Variants in TAFA2 observed in about 807,000 individuals in gnomAD.
TAFA2 encodes chemokine-like protein TAFA-2.
A neutral mutation model predicts 18.8 loss-of-function variants in TAFA2; 7 were observed. That is an observed-to-expected ratio of 0.37 (90% CI 0.21 to 0.70). The LOEUF is 0.70. TAFA2 is among the 30% of genes least tolerant of loss of function. The probability of loss-of-function intolerance (pLI) is 0.53; values close to 1 mark genes in which losing one functional copy is unlikely to be tolerated. For missense variants in TAFA2, 122 were observed against 158.1 expected (o/e 0.77, Z 1.23); for synonymous variants, 60 against 54.2 (o/e 1.11, Z -0.47).
chr12:62,102,497 C>T lies in TAFA2; in HGVS notation c.-2+88762G>A, dbSNP rs141480969. 9.7e-3 allele frequency among the ~76,000 whole-genome samples: 1,470 copies of T among 152,246 alleles called. 15 individuals carry two copies. The highest frequency in any genetic ancestry group is 0.021 in the East Asian group (107 of 5,174). On this transcript the variant is annotated intron_variant, in intron 1 of 4. Transcript: ENST00000416284. ...AATTGACAGCTGGTGACTAGGGTAA[C>T]GTGTTCCACATTGTTGCACCATAGC...
chr12:61,835,320 C>T (rs114251949), intron 2 of TAFA2, among the ~76,000 whole-genome samples: 6 of 151,860 alleles, frequency 4.0e-5, no homozygotes, highest in Non-Finnish European at 7.4e-5. Flanking sequence ...AAAATTAATA[C>T]CAAATTTTGA....
intron 1 of TAFA2, among the ~76,000 whole-genome samples, chr12:61,983,951 C>T (rs566782759): frequency 2.0e-5 from 3 of 152,230 alleles, no homozygotes; most frequent in South Asian, 2.1e-4. Context: ...GATCACATCG[C>T]TCATTCTCTC....
chr12:61,838,645 C>A (rs1304196549), intron 2 of TAFA2, among the ~76,000 whole-genome samples: 4 of 151,874 alleles, frequency 2.6e-5, no homozygotes, highest in Admixed American at 1.3e-4. Flanking sequence ...CAAAGAGAAG[C>A]AAACAAACAA....
chr12:62,090,233 C>G (rs1220398089), intron 1 of TAFA2, among the ~76,000 whole-genome samples: 1 of 152,020 alleles, frequency 6.6e-6, no homozygotes, highest in Non-Finnish European at 1.5e-5. Context: ...GGACTTTCTT[C>G]AAGAATTTCA....
At chr12:61,880,934 C>A (rs541086129) in intron 1 of TAFA2, among the ~76,000 whole-genome samples, 2 of 152,136 alleles carry the variant, frequency 1.3e-5, no homozygotes, top group Admixed American at 1.3e-4. Flanking sequence ...GGGGGACCCC[C>A]CTTCCCCATA....
intron 1 of TAFA2, among the ~76,000 whole-genome samples, chr12:62,086,215 AG>A (rs1196097722): frequency 6.6e-6 from 1 of 152,088 alleles, no homozygotes; most frequent in East Asian, 1.9e-4. Flanking sequence ...AACAGGAAAA[AG>A]CATCATGACA....
At chr12:61,734,957 G>T (rs1489030585) in intron 4 of TAFA2, among the ~76,000 whole-genome samples, 1 of 151,970 alleles carries the variant, frequency 6.6e-6, no homozygotes, top group East Asian at 1.9e-4. Flanking sequence ...GTAAAAGGAT[G>T]ATAATAATCA....
chr12:61,774,761 A>G (rs1870183110), intron 2 of TAFA2, among the ~76,000 whole-genome samples: 1 of 151,676 alleles, frequency 6.6e-6, no homozygotes, highest in South Asian at 2.1e-4. Flanking sequence ...ACCACTAAAG[A>G]TCTTATCCAT....
At chr12:61,723,222 A>T (rs1468746995) in intron 4 of TAFA2, among the ~76,000 whole-genome samples, 1 of 152,194 alleles carries the variant, frequency 6.6e-6, no homozygotes, top group Non-Finnish European at 1.5e-5. Context: ...TCATATTATG[A>T]TTATTAATCT....
chr12:62,097,573 G>T (rs1267739411), intron 1 of TAFA2, among the ~76,000 whole-genome samples: 1 of 152,180 alleles, frequency 6.6e-6, no homozygotes, highest in Non-Finnish European at 1.5e-5. Flanking sequence ...CTAGTAAACA[G>T]TATTGACATG....
At chr12:61,990,752 G>A (rs1428247847) in intron 1 of TAFA2, among the ~76,000 whole-genome samples, 1 of 152,160 alleles carries the variant, frequency 6.6e-6, no homozygotes, top group Non-Finnish European at 1.5e-5. Flanking sequence ...ATAAAGCACT[G>A]TGCAATTATG....
intron 4 of TAFA2, among the ~76,000 whole-genome samples, chr12:61,735,370 G>A (rs1868286411): frequency 6.6e-6 from 1 of 151,730 alleles, no homozygotes; most frequent in African/African-American, 2.4e-5. Context: ...CTTTGTATTT[G>A]CCTTTCTTAA....
intron 1 of TAFA2, among the ~76,000 whole-genome samples, chr12:61,975,724 T>C (rs1879409381): frequency 6.6e-6 from 1 of 151,846 alleles, no homozygotes; most frequent in African/African-American, 2.4e-5. Context: ...ACCCATCTGA[T>C]GATTATCCCC....
intron 4 of TAFA2, among the ~76,000 whole-genome samples, chr12:61,749,165 T>C (rs902420733): frequency 1.3e-5 from 2 of 151,574 alleles, no homozygotes; most frequent in Non-Finnish European, 2.9e-5. Context: ...CCTAGCTACT[T>C]GGGAGGCTAA....
intron 2 of TAFA2, among the ~76,000 whole-genome samples, chr12:61,851,572 C>G (rs1565656183): frequency 6.7e-6 from 1 of 149,814 alleles, no homozygotes; most frequent in African/African-American, 2.5e-5. Flanking sequence ...GTCAGGAAAT[C>G]GAGACCATCC....
chr12:62,056,729 T>A (rs1882196895), intron 1 of TAFA2, among the ~76,000 whole-genome samples: 1 of 151,670 alleles, frequency 6.6e-6, no homozygotes, highest in African/African-American at 2.4e-5. Flanking sequence ...AACAGGGACA[T>A]CACCTATGTT....
chr12:62,132,459 A>T (rs1211021317), intron 1 of TAFA2, among the ~76,000 whole-genome samples: 1 of 151,862 alleles, frequency 6.6e-6, no homozygotes, highest in Non-Finnish European at 1.5e-5. Context: ...TTTCAACCCC[A>T]CTAAATGCAA....
At chr12:62,162,096 T>G (rs1025115453) in intron 1 of TAFA2, among the ~76,000 whole-genome samples, 3 of 152,186 alleles carry the variant, frequency 2.0e-5, no homozygotes, top group Non-Finnish European at 4.4e-5. Context: ...ATAAGACTTT[T>G]GCTAGTTTTA....
intron 1 of TAFA2, among the ~76,000 whole-genome samples, chr12:61,918,191 A>G (rs1456982811): frequency 1.3e-5 from 2 of 152,130 alleles, no homozygotes; most frequent in East Asian, 3.9e-4. Context: ...TAGTTATCTT[A>G]AAATGAACAA....
Sources: allele counts gnomAD v4.1 joint callset (sites outside exome capture counted in the v4.1 genomes callset), GRCh38; gene constraint gnomAD v4.1.1; transcripts MANE v1.5; gene names NCBI Gene and HGNC (gene_info 2026-07-23, HGNC 2026-07-21).